Variants in PCDHGA11 observed in about 807,000 individuals in gnomAD.
PCDHGA11 encodes protocadherin gamma subfamily A, 11.
Under a neutral mutation model 60.4 loss-of-function variants are expected in PCDHGA11, and 39 were observed. That is an observed-to-expected ratio of 0.65 (90% CI 0.50 to 0.84). The LOEUF (loss-of-function observed/expected upper bound fraction) is 0.84, where lower values mean the gene tolerates loss of function less well. PCDHGA11 is among the 40% of genes least tolerant of loss of function. The pLI is 0.00. For missense variants in PCDHGA11, 1,165 were observed against 1,197.7 expected (o/e 0.97, Z 0.40); for synonymous variants, 533 against 510.3 (o/e 1.04, Z -0.60).
chr5:141,476,029 A>G lies in PCDHGA11; in HGVS notation c.2434-18778A>G, dbSNP rs975943706. The G allele has an allele frequency of 2.3e-5, 34 of 1,455,312 alleles. No homozygotes were observed. The highest frequency in any genetic ancestry group is 1.1e-4 in the African/African-American group (8 of 70,728). 90.1% of individuals were successfully genotyped at this position (1,455,312 alleles called of 1,614,324 possible). A position where few individuals can be genotyped will look rare whatever the true frequency, so the allele number is the denominator to read the frequency against. On this transcript the variant is annotated intron_variant, in intron 1 of 3. Transcript: ENST00000398587. The surrounding 1 kb of genome is among the most constrained non-coding windows in gnomAD (Gnocchi z 7.6). The stretch of plus-strand genomic sequence containing the variant: ...GAAAGCCATGTCGGACTCGGCGCCC[A>G]GCGCCCAAGCGCTAACCCGCTGAAA...
chr5:141,492,396 A>G (rs1400291073), intron 1 of PCDHGA11, among the ~76,000 whole-genome samples: 1 of 152,188 alleles, frequency 6.6e-6, no homozygotes, highest in Non-Finnish European at 1.5e-5. Flanking sequence ...GTCCACTCGC[A>G]GCTCCCCTCT....
At position 141,491,422 on chromosome 5, in the gene PCDHGA11, G is replaced by T. The variant is rs1413549196; in HGVS notation, c.2434-3385G>T. 1 of 1,614,112 alleles carries T rather than the reference G, an allele frequency of 6.2e-7. No homozygotes were observed. The stretch of plus-strand genomic sequence containing the variant: ...AAACGCAGACGGGGACGGGGGTGGA[G>T]GGCAGTGCTGCAGGCGCCAGGACTC... On this transcript the variant is annotated intron_variant, in intron 1 of 3. Coordinates refer to ENST00000398587, the MANE Select transcript of PCDHGA11 (RefSeq NM_018914.3). The surrounding 1 kb of genome is among the most constrained non-coding windows in gnomAD (Gnocchi z 6.9).
Position 141,431,334 on chromosome 5 carries a change from C to G in PCDHGA11, c.2433+7674C>G, listed in dbSNP as rs775651426. ...AATGGAGCCGACGGTAGTAAGTACC[C>G]CGAATTGGTGCTGAAACGCGCCCTG... On this transcript the variant is annotated intron_variant, in intron 1 of 3. Transcript: ENST00000398587. This position sits in a 1 kb window ranked among gnomAD's most constrained non-coding sequence, Gnocchi z 4.8. 1.9e-6 allele frequency: 3 copies of G among 1,614,118 alleles called. No individual in the cohort carries two copies. The South Asian group carries it at 3.3e-5, about 18-fold the overall frequency.
chr5:141,491,247 G>A lies in PCDHGA11; in HGVS notation c.2434-3560G>A, dbSNP rs1356752106. ...CAGTGCTGCTGGTTCTGGAGGATGA[G>A]GACCCTGAGGAAATGCCCAAATCCA... On this transcript the variant is annotated intron_variant, in intron 1 of 3. Coordinates refer to ENST00000398587, the MANE Select transcript of PCDHGA11 (RefSeq NM_018914.3). The surrounding 1 kb of genome is among the most constrained non-coding windows in gnomAD (Gnocchi z 6.9). The A allele has an allele frequency of 3.2e-5, 51 of 1,614,192 alleles. No individual in the cohort carries two copies. The highest frequency in any genetic ancestry group is 4.3e-5 in the Non-Finnish European group (51 of 1,180,018).
intron 1 of PCDHGA11, chr5:141,478,885 A>G (rs2099483148): frequency 8.4e-7 from 1 of 1,193,320 alleles, no homozygotes; most frequent in East Asian, 2.6e-5. Flanking sequence ...GCTTGGTATC[A>G]TTTACATTAG....
intron 3 of PCDHGA11, among the ~76,000 whole-genome samples, chr5:141,507,617 C>T (rs1366723844): frequency 6.6e-6 from 1 of 152,278 alleles, no homozygotes; most frequent in African/African-American, 2.4e-5. Context: ...GTATATTTAG[C>T]TGTTGTGGCC....
At chr5:141,510,917 C>A in intron 3 of PCDHGA11, 30 bp from the exon 4 acceptor site, 2 of 1,613,854 alleles carry the variant, frequency 1.2e-6, no homozygotes, top group Non-Finnish European at 8.5e-7. Flanking sequence ...CTAAGTTTAG[C>A]TCCCACCTGA....
In PCDHGA11 at chr5:141,422,769, T is replaced by C. The variant is rs1274700138; in HGVS notation, c.1542T>C (p.Val514=). 1 of 1,613,852 alleles carries C rather than the reference T, an allele frequency of 6.2e-7. No individual in the cohort carries two copies. Among genetic ancestry groups the C allele is most frequent in the Admixed American group, 1.7e-5 (1 of 60,026 alleles). ...TCTCTATTAACTCCAACACTGGTGT[T>C]CTCTATGCCCTACAATCCTTCGACT... ...SYVSINSNTG[V]LYALQSFDYE... is the part of the protein sequence containing the mutation. Residue 514 remains valine (V), a synonymous_variant, in exon 1 of 4, where the codon GTT becomes GTC. Coordinates refer to ENST00000398587, the MANE Select transcript of PCDHGA11 (RefSeq NM_018914.3).
intron 3 of PCDHGA11, among the ~76,000 whole-genome samples, chr5:141,509,362 G>C (rs2099876497): frequency 6.6e-6 from 1 of 152,152 alleles, no homozygotes; most frequent in Non-Finnish European, 1.5e-5. Flanking sequence ...GCATCCCTGA[G>C]GTTTTAACTG....
intron 2 of PCDHGA11, among the ~76,000 whole-genome samples, chr5:141,495,678 C>T (rs1340336428): frequency 6.6e-6 from 1 of 152,180 alleles, no homozygotes; most frequent in African/African-American, 2.4e-5. Context: ...CTGTGCCTGC[C>T]ATGGCATAAG....
chr5:141,491,567 C>T lies in PCDHGA11; in HGVS notation c.2434-3240C>T, dbSNP rs2099721325. On this transcript the variant is annotated intron_variant, in intron 1 of 3. Transcript: ENST00000398587. The surrounding 1 kb of genome is among the most constrained non-coding windows in gnomAD (Gnocchi z 6.9). ...GACTCGCAGAGCCACTGCTACAGGACGTGCTTTTCACCGGCCTCGGACGGC... is the reference window on the plus strand; with the variant it reads ...GACTCGCAGAGCCACTGCTACAGGATGTGCTTTTCACCGGCCTCGGACGGC... 1.9e-6 allele frequency: 3 copies of T among 1,614,004 alleles called. No individual in the cohort carries two copies. The highest frequency in any genetic ancestry group is 2.5e-6 in the Non-Finnish European group (3 of 1,180,034).
chr5:141,509,979 T>C (rs908103989), intron 3 of PCDHGA11, among the ~76,000 whole-genome samples: 4 of 152,204 alleles, frequency 2.6e-5, no homozygotes, highest in African/African-American at 7.2e-5. Context: ...CTTCTAACAC[T>C]TGGTTCCCTC....
At chr5:141,438,591 C>CATATATATATATATATATAT (rs946798767) in intron 1 of PCDHGA11, among the ~76,000 whole-genome samples, 1 of 75,562 alleles carries the variant, frequency 1.3e-5, no homozygotes, top group Non-Finnish European at 2.7e-5. Context: ...TACATACATA[C>CATATATATATATATATATAT]ATATATATAT....
In PCDHGA11 at chr5:141,489,537, C is replaced by T. The variant is rs2099688580; in HGVS notation, c.2434-5270C>T. 6.2e-6 allele frequency: 10 copies of T among 1,614,118 alleles called. No homozygotes were observed. Among genetic ancestry groups the T allele is most frequent in the Non-Finnish European group, 8.5e-6 (10 of 1,180,028 alleles). ...ACCGAGAAAGCCTATGTGGAGCCAG[C>T]ACCAGCTGCCTGCTGCCAGTGCAGG... On this transcript the variant is annotated intron_variant, in intron 1 of 3. Transcript: ENST00000398587. This position sits in a 1 kb window ranked among gnomAD's most constrained non-coding sequence, Gnocchi z 4.5.
intron 1 of PCDHGA11, among the ~76,000 whole-genome samples, chr5:141,437,339 T>A (rs1008090968): frequency 3.3e-5 from 5 of 152,262 alleles, no homozygotes; most frequent in Non-Finnish European, 7.3e-5. Context: ...GTAGCTTCAC[T>A]GTTTTATAGT....
At chr5:141,482,943 G>T (rs2099574928) in intron 1 of PCDHGA11, among the ~76,000 whole-genome samples, 1 of 152,086 alleles carries the variant, frequency 6.6e-6, no homozygotes, top group Non-Finnish European at 1.5e-5. Context: ...TGTGGTTGTG[G>T]GTGCCTGTAA....
rs530001704 is a variant in PCDHGA11, at chr5:141,434,708, ATC to A, written c.2433+11052_2433+11053del. 3.9e-3 allele frequency among the ~76,000 whole-genome samples: 589 copies of A among 152,052 alleles called. 6 individuals are homozygous for A. The highest frequency in any genetic ancestry group is 0.011 in the Admixed American group (170 of 15,250). ...TTGCTGTTAATAAATATGTGGGTAA[ATC>A]TCTGTTCAGGGCTCTCAGCTCTGAA... On this transcript the variant is annotated intron_variant, in intron 1 of 3. Coordinates refer to ENST00000398587, the MANE Select transcript of PCDHGA11 (RefSeq NM_018914.3).
chr5:141,448,948 AAAAC>A (rs1237948751), intron 1 of PCDHGA11, among the ~76,000 whole-genome samples: 14 of 152,170 alleles, frequency 9.2e-5, no homozygotes, highest in African/African-American at 9.7e-5. Flanking sequence ...GCAACTCAAA[AAAAC>A]AAACAAACAA....
Position 141,447,676 on chromosome 5 carries a change from C to T in PCDHGA11, c.2433+24016C>T, listed in dbSNP as rs1466767844. Among the ~76,000 whole-genome samples the T allele has an allele frequency of 2.6e-5, 4 of 152,104 alleles. No individual in the cohort carries two copies. The East Asian group carries it at 7.7e-4, about 29-fold the overall frequency. On this transcript the variant is annotated intron_variant, in intron 1 of 3. Coordinates refer to ENST00000398587, the MANE Select transcript of PCDHGA11 (RefSeq NM_018914.3). The stretch of plus-strand genomic sequence containing the variant: ...CCCCCCCAGGAAGTTAGAACTGTTC[C>T]ATATCTTGATAGAGGGATGGGTTAT...
Sources: allele counts gnomAD v4.1 joint callset (sites outside exome capture counted in the v4.1 genomes callset), GRCh38; gene constraint gnomAD v4.1.1; non-coding constraint Gnocchi (gnomAD v3.1); transcripts MANE v1.5; gene names NCBI Gene and HGNC (gene_info 2026-07-23, HGNC 2026-07-21).